Variants in ADGRB3 observed in about 807,000 individuals in gnomAD.
The protein encoded by ADGRB3 is brain-specific angiogenesis inhibitor 3.
In ADGRB3, 37 loss-of-function variants were observed where a neutral mutation model predicts 193.4. The ratio of observed to expected loss-of-function variants is 0.19; its 90% CI spans 0.15 to 0.25. ADGRB3 has a LOEUF of 0.25. Ranked by LOEUF, ADGRB3 falls within the 10% of genes least tolerant of loss-of-function variation. The pLI, the probability that ADGRB3 is intolerant of heterozygous loss-of-function variation, is 1.00. For synonymous variants in ADGRB3, 690 were observed against 644.2 expected (o/e 1.07, Z -1.08); for missense variants, 1,637 against 1,852.9 (o/e 0.88, Z 2.14).
chr6:69,028,981 G>A (rs1246418829), intron 13 of ADGRB3, among the ~76,000 whole-genome samples: 1 of 152,124 alleles, frequency 6.6e-6, no homozygotes, highest in East Asian at 1.9e-4. Context: ...TTCTGCCTGG[G>A]TGAGAGGGGT....
chr6:68,790,612 G>A (rs957514737), intron 3 of ADGRB3, among the ~76,000 whole-genome samples: 2 of 152,166 alleles, frequency 1.3e-5, no homozygotes, highest in African/African-American at 4.8e-5. Context: ...CGATCAGGCA[G>A]CAGCATCTGC....
At chr6:69,303,000 T>C (rs1056129475) in intron 20 of ADGRB3, among the ~76,000 whole-genome samples, 3 of 151,814 alleles carry the variant, frequency 2.0e-5, no homozygotes, top group African/African-American at 7.3e-5. Context: ...ATAAGACAAC[T>C]TGATGGAGAT....
chr6:68,757,613 C>A (rs1346580555), intron 3 of ADGRB3, among the ~76,000 whole-genome samples: 1 of 152,018 alleles, frequency 6.6e-6, no homozygotes. Context: ...CCTATGTCTC[C>A]TGAAATTTTC....
intron 4 of ADGRB3, among the ~76,000 whole-genome samples, chr6:68,931,983 A>C (rs2150246656): frequency 6.6e-6 from 1 of 152,238 alleles, no homozygotes; most frequent in East Asian, 1.9e-4. Context: ...TGTTTGAACA[A>C]GTCTAAAAGT....
At chr6:69,333,061 C>G in intron 24 of ADGRB3, 53 bp downstream of exon 24, 1 of 1,565,368 alleles carries the variant, frequency 6.4e-7, no homozygotes. Flanking sequence ...ATCCCATACT[C>G]CAATTTCAGA....
At chr6:69,215,726 C>A (rs1561955429) in intron 17 of ADGRB3, among the ~76,000 whole-genome samples, 3 of 152,096 alleles carry the variant, frequency 2.0e-5, no homozygotes, top group Admixed American at 2.0e-4. Context: ...TTAGTTGTGG[C>A]TTTGTCCATT....
At chr6:69,340,522 G>A (rs532960037) in intron 26 of ADGRB3, among the ~76,000 whole-genome samples, 1 of 152,172 alleles carries the variant, frequency 6.6e-6, no homozygotes, top group Non-Finnish European at 1.5e-5. Flanking sequence ...GTACGTATGA[G>A]TATAAACCCT....
chr6:69,050,835 T>C (rs1771372457), intron 15 of ADGRB3, among the ~76,000 whole-genome samples: 1 of 152,244 alleles, frequency 6.6e-6, no homozygotes, highest in South Asian at 2.1e-4. Flanking sequence ...ATTTATGTGC[T>C]ACATTCTCCC....
intron 17 of ADGRB3, among the ~76,000 whole-genome samples, chr6:69,200,637 G>A (rs1208062594): frequency 3.3e-5 from 5 of 152,054 alleles, no homozygotes; most frequent in African/African-American, 1.2e-4. Flanking sequence ...TCTGATGGAA[G>A]CAGCTGTGAG....
intron 3 of ADGRB3, among the ~76,000 whole-genome samples, chr6:68,869,070 AC>A (rs1765388916): frequency 6.6e-6 from 1 of 152,106 alleles, no homozygotes; most frequent in Non-Finnish European, 1.5e-5. Context: ...AATGAGTTTA[AC>A]CTCAAAGATT....
At chr6:69,147,464 T>A (rs984883225) in intron 17 of ADGRB3, among the ~76,000 whole-genome samples, 2 of 152,236 alleles carry the variant, frequency 1.3e-5, no homozygotes, top group African/African-American at 4.8e-5. Context: ...AACATTCCTC[T>A]TGTTATTTAT....
intron 17 of ADGRB3, among the ~76,000 whole-genome samples, chr6:69,148,603 T>TC: frequency 6.6e-6 from 1 of 152,308 alleles, no homozygotes; most frequent in East Asian, 1.9e-4. Flanking sequence ...TCTGTGTTTT[T>TC]CTATGTATTT....
At chr6:68,952,563 A>G (rs1767956970) in intron 6 of ADGRB3, among the ~76,000 whole-genome samples, 1 of 152,180 alleles carries the variant, frequency 6.6e-6, no homozygotes, top group Admixed American at 6.5e-5. Context: ...CCTTCATAAT[A>G]GTGCAATTAC....
intron 17 of ADGRB3, among the ~76,000 whole-genome samples, chr6:69,148,302 G>GT (rs1774565241): frequency 6.6e-6 from 1 of 151,924 alleles, no homozygotes; most frequent in South Asian, 2.1e-4. Flanking sequence ...TACATTGTGT[G>GT]TTTTTTAATT....
intron 3 of ADGRB3, among the ~76,000 whole-genome samples, chr6:68,827,424 G>A (rs921108593): frequency 6.6e-6 from 1 of 152,008 alleles, no homozygotes; most frequent in African/African-American, 2.4e-5. Context: ...GTAGGTAGGG[G>A]AGCAGCGATA....
chr6:68,967,614 C>T (rs998410996), intron 8 of ADGRB3, among the ~76,000 whole-genome samples: 13 of 151,846 alleles, frequency 8.6e-5, no homozygotes, highest in South Asian at 8.4e-4. Flanking sequence ...CACCTCCACC[C>T]CCGCCCCACA....
rs554633268 is a variant in ADGRB3 at position 68,770,401 on chromosome 6, A to C, written c.757+130969A>C. 3.3e-5 allele frequency among the ~76,000 whole-genome samples: 5 copies of C among 152,256 alleles called. No individual in the cohort carries two copies. The East Asian group carries it at 9.7e-4, about 29-fold the overall frequency. ...CTGAAACCTAATGTGTGCCAAAAAC[A>C]CAAAGGCAACTAAAACTTTTGATAG... On this transcript the variant is annotated intron_variant, in intron 3 of 31. Coordinates refer to ENST00000370598, the MANE Select transcript of ADGRB3 (RefSeq NM_001704.3).
Position 68,807,241 on chromosome 6 carries a change from T to C in ADGRB3, c.758-123318T>C, listed in dbSNP as rs1233310943. ...TTTTTCTTTTTTCTTTTTTCTTTTT[T>C]TTTTTTTTTTTTTTGAGACAGAGTC... On this transcript the variant is annotated intron_variant, in intron 3 of 31. Coordinates refer to ENST00000370598, the MANE Select transcript of ADGRB3 (RefSeq NM_001704.3). Among the ~76,000 whole-genome samples, 547 of 135,346 alleles carry C rather than the reference T, an allele frequency of 4.0e-3. 2 individuals are homozygous for C. The highest frequency in any genetic ancestry group is 0.015 in the African/African-American group (514 of 33,922). The allele number at this position is 135,346 out of a possible 152,430, so 88.8% of individuals were successfully genotyped here.
At chr6:69,022,893 G>A (rs1408410198) in intron 13 of ADGRB3, among the ~76,000 whole-genome samples, 2 of 151,912 alleles carry the variant, frequency 1.3e-5, no homozygotes, top group African/African-American at 4.8e-5. Flanking sequence ...TTGTTCTAAC[G>A]ATTTGTCCAA....
Sources: gnomAD v4.1 joint callset for allele counts (sites outside exome capture counted in the v4.1 genomes callset) on GRCh38, gnomAD v4.1.1 for gene constraint, MANE v1.5 for transcripts, NCBI Gene and HGNC (gene_info 2026-07-23, HGNC 2026-07-21) for gene names.